Variants in NRG1 observed in about 807,000 individuals in gnomAD.
NRG1 encodes the protein neuregulin 1, also known as pro-neuregulin-1, membrane-bound isoform.
In NRG1, 18 loss-of-function variants were observed where a neutral mutation model predicts 63.8. The ratio of observed to expected loss-of-function variants is 0.28; its 90% CI spans 0.19 to 0.42. NRG1 has a LOEUF of 0.42. Among genes scored for constraint, NRG1 ranks in the 10% least tolerant of loss-of-function variants. The pLI, the probability that NRG1 is intolerant of heterozygous loss-of-function variation, is 1.00. For missense variants in NRG1, 762 were observed against 814.7 expected (o/e 0.94, Z 0.79); for synonymous variants, 302 against 301.3 (o/e 1.00, Z -0.02).
chr8:32,378,337 A>G (rs1809884232), intron 1 of NRG1, among the ~76,000 whole-genome samples: 1 of 152,146 alleles, frequency 6.6e-6, no homozygotes, highest in Non-Finnish European at 1.5e-5. Context: ...TCTAAGAATA[A>G]AACATCCTAT....
intron 1 of NRG1, among the ~76,000 whole-genome samples, chr8:31,673,722 A>G (rs1056940237): frequency 6.6e-5 from 10 of 152,194 alleles, no homozygotes; most frequent in Non-Finnish European, 1.3e-4. Flanking sequence ...TGACGTCAGA[A>G]TAAGTGGCAC....
rs183354582 is a variant in NRG1, at chr8:32,293,806, G to A, written c.38-302022G>A. ...GCTATCTCAGCTCACTGCAACATCT[G>A]CTTCCCGGGTTCAAGCAATTTCCCA... On this transcript the variant is annotated intron_variant, in intron 1 of 10. Transcript: ENST00000519301. Among the ~76,000 whole-genome samples, 19 of 138,634 alleles carry A rather than the reference G, an allele frequency of 1.4e-4. No individual in the cohort carries two copies. In the East Asian group the frequency reaches 1.7e-3, roughly 13 times the overall value. The allele number at this position is 138,634 out of a possible 152,430, so 90.9% of individuals were successfully genotyped here.
At position 32,313,538 on chromosome 8, in the gene NRG1, A is replaced by T. The variant is rs542466050; in HGVS notation, c.38-282290A>T. ...TTTTGCCACTAACTGAAACTCAGTA[A>T]CAACACTGAAGTATGAGCTTGGGCC... On this transcript the variant is annotated intron_variant, in intron 1 of 10. Transcript: ENST00000519301. 1.3e-5 allele frequency among the ~76,000 whole-genome samples: 2 copies of T among 152,362 alleles called. 1 individual carries two copies. Among genetic ancestry groups the T allele is most frequent in the East Asian group, 3.9e-4 (2 of 5,188 alleles).
intron 1 of NRG1, among the ~76,000 whole-genome samples, chr8:31,879,008 A>G (rs1830140757): frequency 6.6e-6 from 1 of 152,136 alleles, no homozygotes; most frequent in South Asian, 2.1e-4. Flanking sequence ...TCAAGAAAAA[A>G]AAAACAAACA....
chr8:32,604,358 T>C (rs1165482376), intron 2 of NRG1, among the ~76,000 whole-genome samples: 3 of 152,182 alleles, frequency 2.0e-5, no homozygotes, highest in Non-Finnish European at 2.9e-5. Context: ...GGAATTATAT[T>C]TGGAACAATT....
intron 3 of NRG1, among the ~76,000 whole-genome samples, chr8:32,607,421 A>G (rs2466092): frequency 0.12 from 18,710 of 152,062 alleles, 1,254 homozygotes; most frequent in African/African-American, 0.18. Context: ...GTGTAGCTAT[A>G]CCACAAAGTC....
intron 7 of NRG1, among the ~76,000 whole-genome samples, chr8:32,747,610 G>A (rs1451500037): frequency 4.0e-5 from 6 of 151,658 alleles, no homozygotes; most frequent in Non-Finnish European, 8.8e-5. Context: ...GAAAAATATA[G>A]CTTATTTGCT....
intron 1 of NRG1, among the ~76,000 whole-genome samples, chr8:31,752,461 G>A (rs117639905): frequency 1.3e-5 from 2 of 152,028 alleles, no homozygotes; most frequent in African/African-American, 4.8e-5. Context: ...GAAGGGCTTG[G>A]GGGGAGACCA....
chr8:31,923,292 A>G (rs1834065039), intron 1 of NRG1, among the ~76,000 whole-genome samples: 1 of 152,126 alleles, frequency 6.6e-6, no homozygotes, highest in Non-Finnish European at 1.5e-5. Context: ...TTCTTTAATG[A>G]GGTGATATCA....
intron 1 of NRG1, among the ~76,000 whole-genome samples, chr8:32,216,531 G>A (rs901248679): frequency 2.0e-5 from 3 of 148,940 alleles, no homozygotes; most frequent in African/African-American, 7.4e-5. Flanking sequence ...ATCCAGTTTA[G>A]AACATAAATT....
intron 1 of NRG1, among the ~76,000 whole-genome samples, chr8:32,232,759 T>G (rs1046849026): frequency 1.3e-5 from 2 of 152,164 alleles, no homozygotes; most frequent in African/African-American, 2.4e-5. Context: ...GTATATCCCA[T>G]TTGAAGATAT....
In NRG1 at chr8:32,250,824, T is replaced by G. The variant is rs144572577; in HGVS notation, c.38-345004T>G. On this transcript the variant is annotated intron_variant, in intron 1 of 10. Transcript: ENST00000519301. ...AATGCCATGTTTCGGTGATGATATTTTACCAGAGATAGTCTGTAATGAAAA... is the reference window on the plus strand; with the variant it reads ...AATGCCATGTTTCGGTGATGATATTGTACCAGAGATAGTCTGTAATGAAAA... Among the ~76,000 whole-genome samples the G allele has an allele frequency of 7.2e-3, 1,097 of 152,190 alleles. 14 individuals carry two copies. Among genetic ancestry groups the G allele is most frequent in the African/African-American group, 0.025 (1,035 of 41,544 alleles).
At chr8:31,882,200 G>C (rs539928601) in intron 1 of NRG1, among the ~76,000 whole-genome samples, 85 of 151,904 alleles carry the variant, frequency 5.6e-4, no homozygotes, top group Non-Finnish European at 9.9e-4. Context: ...GGGCCCTTAA[G>C]AATTATATTA....
In NRG1 at chr8:32,749,240, A is replaced by G. The variant is rs111840801; in HGVS notation, c.692-5132A>G. 352 of 328,692 alleles carry G rather than the reference A, an allele frequency of 1.1e-3. 3 individuals are homozygous for G. The highest frequency in any genetic ancestry group is 7.0e-3 in the African/African-American group (327 of 46,440). The allele number at this position is 328,692 out of a possible 1,614,324, so 20.4% of individuals were successfully genotyped here. On this transcript the variant is annotated intron_variant, in intron 7 of 11. Transcript: ENST00000356819. The stretch of plus-strand genomic sequence containing the variant: ...AATGCCTTTTCTGATTATAAAGATA[A>G]TCTTTCCATTCCCACACAAGGAAAT...
chr8:32,766,667 A>C (rs753246633), exon 12 of NRG1: 3 of 152,246 alleles, frequency 2.0e-5, no homozygotes, highest in Non-Finnish European at 4.4e-5. Context: ...TCTTACAATG[A>C]GAATTGCTAT....
At chr8:31,807,220 C>G (rs548479477) in intron 1 of NRG1, among the ~76,000 whole-genome samples, 1 of 152,204 alleles carries the variant, frequency 6.6e-6, no homozygotes, top group African/African-American at 2.4e-5. Context: ...CTGTGCCCCT[C>G]TCTTGGCTAC....
At chr8:32,105,390 C>A (rs543678442) in intron 1 of NRG1, among the ~76,000 whole-genome samples, 1 of 152,292 alleles carries the variant, frequency 6.6e-6, no homozygotes, top group East Asian at 1.9e-4. Flanking sequence ...TCTCACATGG[C>A]AGCAGACAAG....
chr8:32,759,422 G>C, exon 10 of NRG1: 1 of 1,613,444 alleles, frequency 6.2e-7, no homozygotes, highest in Middle Eastern at 1.7e-4. Context: ...CTGTCACCCA[G>C]ACTCCTAGCC....
At chr8:32,403,202 G>A (rs1813459517) in intron 1 of NRG1, among the ~76,000 whole-genome samples, 1 of 150,902 alleles carries the variant, frequency 6.6e-6, no homozygotes. Flanking sequence ...GGGAAGCTGA[G>A]GCAGAGAATT....
Sources: allele counts gnomAD v4.1 joint callset (sites outside exome capture counted in the v4.1 genomes callset), GRCh38; gene constraint gnomAD v4.1.1; transcripts MANE v1.5; gene names NCBI Gene and HGNC (gene_info 2026-07-23, HGNC 2026-07-21).